CFAP46: variants seen among roughly 807,000 people sequenced by gnomAD.
CFAP46 encodes cilia and flagella associated protein 46, also known as cilia- and flagella-associated protein 46.
Under a neutral mutation model 325.7 loss-of-function variants are expected in CFAP46, and 245 were observed. The observed-to-expected ratio is 0.75, with a 90% CI of 0.68 to 0.84. The LOEUF (loss-of-function observed/expected upper bound fraction) is 0.84, where lower values mean the gene tolerates loss of function less well. Ranked by LOEUF, CFAP46 falls within the 40% of genes least tolerant of loss-of-function variation. The pLI is 0.00. For synonymous variants in CFAP46, 1,523 were observed against 1,495.9 expected (o/e 1.02, Z -0.42); for missense variants, 3,346 against 3,543.0 (o/e 0.94, Z 1.41).
At chr10:132,891,707 C>T (rs1849256971) in intron 25 of CFAP46, among the ~76,000 whole-genome samples, 1 of 152,190 alleles carries the variant, frequency 6.6e-6, no homozygotes, top group Admixed American at 6.5e-5. Flanking sequence ...AAGCCGGCTA[C>T]CTGGAGGCTT....
rs781431503 is a variant in CFAP46 at position 132,920,068 on chromosome 10, T to C, written c.1721A>G (p.Asp574Gly). ...CCTTTTCCTCACTCACCTCTCCTTG[T>C]CGTTTTCGTTGCCCAGGCGCCGCAG... ...GHLRRLGNEN[D>G]KERIQIWAEL... The change falls in exon 14 of 58, where the codon GAC becomes GGC. Residue 574 changes from aspartate (D) to glycine (G), a missense_variant. Asp to Gly is a moderately conservative substitution (Grantham distance 94). Coordinates refer to ENST00000368586, the MANE Select transcript of CFAP46 (RefSeq NM_001200049.3). 254 of 1,545,108 alleles carry C rather than the reference T, an allele frequency of 1.6e-4. No individual in the cohort carries two copies. The highest frequency in any genetic ancestry group is 1.5e-4 in the Non-Finnish European group (171 of 1,144,820).
intron 26 of CFAP46, 39 bp from the exon 27 acceptor site, chr10:132,885,325 G>A (rs1260915582): frequency 2.6e-6 from 4 of 1,513,844 alleles, no homozygotes; most frequent in Middle Eastern, 1.9e-4. Flanking sequence ...GTCAGGATCG[G>A]GTGGCAGAAT....
chr10:132,880,961 A>G lies in CFAP46; in HGVS notation c.3699T>C (p.Phe1233=), dbSNP rs2135369381. The stretch of plus-strand genomic sequence containing the variant: ...GGTGGAAGACCACGTCCTCGAGAGG[A>G]AAGTGTCTGTGATGGAGCCACTGGC... ...EFGQWLHHRH[F]PLEDVVFHLR... Residue 1233 remains phenylalanine, a synonymous_variant, in exon 28 of 58, where the codon TTT becomes TTC. Transcript: ENST00000368586. 3 of 1,550,472 alleles carry G rather than the reference A, an allele frequency of 1.9e-6. No homozygotes were observed. In the East Asian group the frequency reaches 7.3e-5, roughly 38 times the overall value.
chr10:132,821,053 C>CACTTG (rs1380420901), intron 50 of CFAP46, among the ~76,000 whole-genome samples: 9 of 86,544 alleles, frequency 1.0e-4, no homozygotes, highest in African/African-American at 4.5e-4. Flanking sequence ...GCTGTGTGTG[C>CACTTG]TGTGTGCTGT....
chr10:132,811,076 G>A (rs1465644684), intron 55 of CFAP46, 45 bp from the exon 56 acceptor site: 1 of 1,511,582 alleles, frequency 6.6e-7, no homozygotes, highest in Admixed American at 1.9e-5. Context: ...GCCTGACATG[G>A]GGAGTGGGGA....
chr10:132,914,160 G>C (rs77856169), intron 17 of CFAP46, among the ~76,000 whole-genome samples: 11 of 8,064 alleles, frequency 1.4e-3, no homozygotes, highest in African/African-American at 0.014. Context: ...CTGCACCCCG[G>C]CCCGAGGCTG....
chr10:132,922,553 C>G lies in CFAP46; in HGVS notation c.1412G>C (p.Arg471Pro). 2 of 1,547,996 alleles carry G rather than the reference C, an allele frequency of 1.3e-6. No homozygotes were observed. The highest frequency in any genetic ancestry group is 1.7e-6 in the Non-Finnish European group (2 of 1,146,770). The change falls in exon 12 of 58, where the codon CGG becomes CCG. Residue 471 changes from arginine to proline, a missense_variant. By Grantham distance (103) the Arg-to-Pro change is moderately radical. Coordinates refer to ENST00000368586, the MANE Select transcript of CFAP46 (RefSeq NM_001200049.3). ...GTATAGCGTGGTGCACAGACGCAGC[C>G]GGGTGGAGGCCATCTGGATCCTGTC... ...YRDRIQMAST[R>P]LRLCTTLYQA... is the part of the protein sequence containing the mutation.
rs375472359 is a variant in CFAP46, at chr10:132,847,282, C to G, written c.5992G>C (p.Glu1998Gln). 3.7e-6 allele frequency: 6 copies of G among 1,613,466 alleles called. No individual in the cohort carries two copies. In the African/African-American group the frequency reaches 5.3e-5, roughly 14 times the overall value. ...KLSGLKSLEL[E>Q]VEEEGATKSS... ...TTTGTGGCACCCTCTTCCTCTACCTCCAGCTCCAGAGACTTGAGGCCGCTC... is the reference window on the plus strand; with the variant it reads ...TTTGTGGCACCCTCTTCCTCTACCTGCAGCTCCAGAGACTTGAGGCCGCTC... Residue 1998 changes from glutamate to glutamine, a missense_variant, in exon 42 of 58, where the codon GAG (glutamate) becomes CAG (glutamine). Glu to Gln is a conservative substitution (Grantham distance 29, BLOSUM62 2). Transcript: ENST00000368586. This position sits in a 1 kb window ranked among gnomAD's most constrained non-coding sequence, Gnocchi z 5.2.
chr10:132,925,865 C>A (rs1014984980), intron 10 of CFAP46, among the ~76,000 whole-genome samples: 2 of 152,218 alleles, frequency 1.3e-5, no homozygotes, highest in Non-Finnish European at 2.9e-5. Context: ...CTGACCCGCA[C>A]GCCCCTGGCT....
intron 19 of CFAP46, among the ~76,000 whole-genome samples, chr10:132,911,993 C>A (rs1849546817): frequency 6.6e-6 from 1 of 152,082 alleles, no homozygotes; most frequent in South Asian, 2.1e-4. Context: ...CGTCTGTCGC[C>A]TCCACTGAAG....
rs1850123327 is a variant in CFAP46, at chr10:132,942,454, G to A, written c.31C>T (p.Arg11Cys). The A allele has an allele frequency of 3.0e-6, 4 of 1,338,538 alleles. No individual in the cohort carries two copies. The highest frequency in any genetic ancestry group is 3.8e-6 in the Non-Finnish European group (4 of 1,049,974). 82.9% of individuals were successfully genotyped at this position (1,338,538 alleles called of 1,614,324 possible). A position where few individuals can be genotyped will look rare whatever the true frequency, so the allele number is the denominator to read the frequency against. Residue 11 changes from arginine to cysteine, a missense_variant, in exon 1 of 58, where the codon CGC becomes TGC. Arg to Cys is a radical substitution (Grantham distance 180). Coordinates refer to ENST00000368586, the MANE Select transcript of CFAP46 (RefSeq NM_001200049.3). ...GGGTCACCTTGCTGGCTCTCGGCGC[G>A]GGCCAGCTCCTGCGTGATGACCAGG... MDLVITQELA[R>C]AESQQDAASL...
intron 25 of CFAP46, among the ~76,000 whole-genome samples, chr10:132,888,186 T>C (rs1849194819): frequency 6.6e-6 from 1 of 151,770 alleles, no homozygotes; most frequent in Admixed American, 6.6e-5. Flanking sequence ...CCGAGAACCA[T>C]AGTGGGCACC....
In CFAP46 at chr10:132,899,612, G is replaced by C; in HGVS notation, c.2979C>G (p.Gly993=). ...CCTTCAGGTTTTCCATGATGCTCCT[G>C]CCCTGGATGGCCGTGGCTGTGCACA... ...EMLCTATAIQ[G]RSIMENLKGR... is the part of the protein sequence containing the mutation. Residue 993 remains glycine (G), a synonymous_variant, in exon 23 of 58, where the codon GGC becomes GGG. Coordinates refer to ENST00000368586, the MANE Select transcript of CFAP46 (RefSeq NM_001200049.3). 6.5e-7 allele frequency: 1 copy of C among 1,550,206 alleles called. No homozygotes were observed. The highest frequency in any genetic ancestry group is 1.2e-5 in the South Asian group (1 of 84,038).
intron 23 of CFAP46, 47 bp downstream of exon 23, chr10:132,899,488 C>T (rs573539491): frequency 8.1e-5 from 122 of 1,500,942 alleles, no homozygotes; most frequent in African/African-American, 3.5e-4. Flanking sequence ...GGGTCCCGCA[C>T]GGCCGGGGAG....
chr10:132,937,180 A>G, intron 6 of CFAP46, 125 bp from the exon 7 acceptor site: 3 of 547,172 alleles, frequency 5.5e-6, no homozygotes, highest in Non-Finnish European at 9.1e-6. Flanking sequence ...ACTTAAGCTG[A>G]TTCCCCATAT....
At position 132,877,913 on chromosome 10, in the gene CFAP46, C is replaced by A; in HGVS notation, c.4180G>T (p.Gly1394Ter). 1.3e-6 allele frequency: 2 copies of A among 1,542,582 alleles called. No homozygotes were observed. Among genetic ancestry groups the A allele is most frequent in the Non-Finnish European group, 1.7e-6 (2 of 1,143,716 alleles). ...ERSKEKDKEKGKEEKVKEPKQ... is the reference protein window; with the variant it reads ...ERSKEKDKEK Reference sequence around the variant, plus strand: ...GGCTCCTTGACTTTCTCCTCCTTTCCCTTCTCCTTGTCCTTCTCTTTACTC... The same window carrying A: ...GGCTCCTTGACTTTCTCCTCCTTTCACTTCTCCTTGTCCTTCTCTTTACTC... The change falls in exon 30 of 58, where the codon GGA (glycine) becomes TGA (stop). Residue 1394 changes from glycine (G) to a stop codon, truncating the protein, a stop_gained. Coordinates refer to ENST00000368586, the MANE Select transcript of CFAP46 (RefSeq NM_001200049.3). LOFTEE classifies it high-confidence loss of function. This position sits in a 1 kb window ranked among gnomAD's most constrained non-coding sequence, Gnocchi z 5.7.
chr10:132,863,582 C>A (rs1341377703), intron 35 of CFAP46, among the ~76,000 whole-genome samples: 1 of 149,990 alleles, frequency 6.7e-6, no homozygotes, highest in African/African-American at 2.5e-5. Flanking sequence ...CACCTCTCCT[C>A]ACTGCCTGAG....
intron 10 of CFAP46, among the ~76,000 whole-genome samples, chr10:132,925,999 T>C (rs1849804338): frequency 6.6e-6 from 1 of 152,202 alleles, no homozygotes; most frequent in African/African-American, 2.4e-5. Context: ...GAGGTTTCTG[T>C]TCATCTTTTA....
At position 132,929,789 on chromosome 10, in the gene CFAP46, A is replaced by C; in HGVS notation, c.882T>G (p.Phe294Leu). Residue 294 changes from phenylalanine (F) to leucine (L), a missense_variant, in exon 9 of 58, where the codon TTT (phenylalanine) becomes TTG (leucine). Phe to Leu is a conservative substitution (Grantham distance 22, BLOSUM62 0). Transcript: ENST00000368586. ...AGGTCAAGGAAAAACGCGCCAATTCAAAAAGCAAAAGCATTCTGCAAACAA... is the reference window on the plus strand; with the variant it reads ...AGGTCAAGGAAAAACGCGCCAATTCCAAAAGCAAAAGCATTCTGCAAACAA... The part of the protein sequence containing the change: ...SISEEKMLLL[F>L]ELARFSLTLK... 2 of 1,609,198 alleles carry C rather than the reference A, an allele frequency of 1.2e-6. No homozygotes were observed. Among genetic ancestry groups the C allele is most frequent in the South Asian group, 1.1e-5 (1 of 91,022 alleles).
Sources: gnomAD v4.1 joint callset for allele counts (sites outside exome capture counted in the v4.1 genomes callset) on GRCh38, gnomAD v4.1.1 for gene constraint, Gnocchi (gnomAD v3.1) non-coding constraint, MANE v1.5 for transcripts, NCBI Gene and HGNC (gene_info 2026-07-23, HGNC 2026-07-21) for gene names.